Variants in SCIN observed in about 807,000 individuals in gnomAD.
SCIN encodes scinderin, also known as adseverin.
In SCIN, 91 loss-of-function variants were observed where a neutral mutation model predicts 91.8. The ratio of observed to expected loss-of-function variants is 0.99; its 90% CI spans 0.84 to 1.18. SCIN has a LOEUF of 1.18. Ranked by LOEUF, SCIN falls within the 50% of genes most tolerant of loss-of-function variation. SCIN has a pLI of 0.00. For missense variants in SCIN, 1,087 were observed against 863.9 expected (o/e 1.26, Z -3.24); for synonymous variants, 367 against 312.6 (o/e 1.17, Z -1.84).
chr7:12,643,750 A>T (rs994163404), intron 11 of SCIN, among the ~76,000 whole-genome samples: 1 of 152,154 alleles, frequency 6.6e-6, no homozygotes, highest in African/African-American at 2.4e-5. Context: ...CCTCAAGATC[A>T]CTTTACGCTC....
chr7:12,577,106 T>C (rs1339738968), intron 1 of SCIN, among the ~76,000 whole-genome samples: 1 of 152,178 alleles, frequency 6.6e-6, no homozygotes, highest in African/African-American at 2.4e-5. Flanking sequence ...GAAAATTAAA[T>C]GTATGTTGTA....
chr7:12,573,381 G>C (rs1583268915), intron 1 of SCIN, among the ~76,000 whole-genome samples: 3 of 152,248 alleles, frequency 2.0e-5, no homozygotes, highest in East Asian at 3.9e-4. Context: ...GAGGCAAAAA[G>C]GGGAAACAGG....
At chr7:12,572,473 G>A (rs947420232) in intron 1 of SCIN, among the ~76,000 whole-genome samples, 1 of 152,246 alleles carries the variant, frequency 6.6e-6, no homozygotes, top group Admixed American at 6.5e-5. Flanking sequence ...TAGCATGAAT[G>A]AAAGTGTTTG....
In SCIN at chr7:12,643,791, C is replaced by T. The variant is rs375042231; in HGVS notation, c.1582-347C>T. 4.6e-5 allele frequency among the ~76,000 whole-genome samples: 7 copies of T among 152,304 alleles called. No individual in the cohort carries two copies. In the South Asian group the frequency reaches 1.5e-3, roughly 32 times the overall value. ...TTCCTCCTCCGTCTCAGCTGCTCCC[C>T]CTCAGTCTTGCTTACTGGTTCTTCT... On this transcript the variant is annotated intron_variant, in intron 11 of 15. Transcript: ENST00000297029.
chr7:12,622,829 A>T lies in SCIN; in HGVS notation c.695A>T (p.Asp232Val), dbSNP rs754433636. The change falls in exon 5 of 16, where the codon GAT becomes GTT. Residue 232 changes from aspartate to valine, a missense_variant. Asp to Val is a radical substitution (Grantham distance 152). Transcript: ENST00000297029. Reference protein sequence around the residue: ...KVLGEKPELPDGGDDDDIIAD... With the variant: ...KVLGEKPELPVGGDDDDIIAD... ...TTAGGGGAAAAGCCAGAGCTTCCAGATGGAGGTGATGATGATGACATTATA... is the reference window on the plus strand; with the variant it reads ...TTAGGGGAAAAGCCAGAGCTTCCAGTTGGAGGTGATGATGATGACATTATA... 3.1e-6 allele frequency: 5 copies of T among 1,613,158 alleles called. No individual in the cohort carries two copies. The highest frequency in any genetic ancestry group is 4.2e-6 in the Non-Finnish European group (5 of 1,179,368).
In SCIN at chr7:12,644,568, A is replaced by G; in HGVS notation, c.1760-16A>G. On this transcript the variant is annotated splice_polypyrimidine_tract_variant and intron_variant, in intron 12 of 15. Coordinates refer to ENST00000297029, the MANE Select transcript of SCIN (RefSeq NM_001112706.3). ...TCCCTGAAAATGCACTGGATAACTG[A>G]GTGTGTTTTCCACAGAGGAGTTCTG... 6.2e-7 allele frequency: 1 copy of G among 1,612,538 alleles called. No individual in the cohort carries two copies. Among genetic ancestry groups the G allele is most frequent in the Non-Finnish European group, 8.5e-7 (1 of 1,179,344 alleles).
rs28369455 is a variant in SCIN, at chr7:12,609,917, A to G, written c.666+5254A>G. ...AGAATAACATATTATGTCTCCATTA[A>G]TAACTGTTTATCAAGTGCAGGGTTG... is the stretch of plus-strand genomic sequence containing the variant. On this transcript the variant is annotated intron_variant, in intron 4 of 15. Transcript: ENST00000297029. Among the ~76,000 whole-genome samples the G allele has an allele frequency of 7.3e-3, 1,114 of 152,324 alleles. 17 individuals carry two copies. The highest frequency in any genetic ancestry group is 0.025 in the African/African-American group (1,020 of 41,570).
Position 12,657,776 on chromosome 7 carries a change from G to C in SCIN, c.*5061G>C, listed in dbSNP as rs1784197339. ...TTTGACAACATCAGTCCCTTATTAA[G>C]ATGTTATTTCTAGTTTATAATTGAC... is the stretch of plus-strand genomic sequence containing the variant. On this transcript the variant is annotated 3_prime_UTR_variant, in exon 16 of 16. Coordinates refer to ENST00000297029, the MANE Select transcript of SCIN (RefSeq NM_001112706.3). The C allele has an allele frequency of 6.6e-6, 1 of 150,790 alleles. No homozygotes were observed. The highest frequency in any genetic ancestry group is 1.5e-5 in the Non-Finnish European group (1 of 67,710). The allele number at this position is 150,790 out of a possible 1,614,324, so 9.3% of individuals were successfully genotyped here. A position where few individuals can be genotyped will look rare whatever the true frequency, so the allele number is the denominator to read the frequency against.
chr7:12,626,796 G>A lies in SCIN; in HGVS notation c.1194G>A (p.Val398=). The change falls in exon 8 of 16, where the codon GTG becomes GTA. Residue 398 remains valine, a synonymous_variant. Coordinates refer to ENST00000297029, the MANE Select transcript of SCIN (RefSeq NM_001112706.3). ...TGGTGGATGATGGTTCTGGCAAAGT[G>A]GAGGTATTTACCTGTTTTTGTTTTT... ...HNMVDDGSGK[V]EIWRVENNGR... The A allele has an allele frequency of 6.2e-6, 10 of 1,604,664 alleles. No individual in the cohort carries two copies. The highest frequency in any genetic ancestry group is 8.5e-6 in the Non-Finnish European group (10 of 1,175,388).
chr7:12,630,520 C>T (rs1390220103), intron 9 of SCIN, among the ~76,000 whole-genome samples: 7 of 152,202 alleles, frequency 4.6e-5, no homozygotes, highest in African/African-American at 1.7e-4. Context: ...CTAATCTATA[C>T]CACCACATCG....
intron 3 of SCIN, among the ~76,000 whole-genome samples, chr7:12,592,581 C>A (rs755135187): frequency 6.6e-6 from 1 of 151,274 alleles, no homozygotes; most frequent in African/African-American, 2.4e-5. Context: ...GCCGGACTAG[C>A]GGAGAGGAGC....
intron 4 of SCIN, among the ~76,000 whole-genome samples, chr7:12,606,889 T>C (rs1783090627): frequency 6.6e-6 from 1 of 152,234 alleles, no homozygotes; most frequent in East Asian, 1.9e-4. Context: ...CTTTGAAAAG[T>C]ATTCAAAACA....
intron 3 of SCIN, chr7:12,595,399 C>G (rs906950567): frequency 6.9e-6 from 1 of 144,904 alleles, no homozygotes; most frequent in Admixed American, 7.4e-5. Context: ...AGTCTGGTGA[C>G]CTTGCTGTAG....
Position 12,626,792 on chromosome 7 carries a change from A to G in SCIN, c.1190A>G (p.Lys397Arg). The change falls in exon 8 of 16, where the codon AAA (lysine) becomes AGA (arginine). Residue 397 changes from lysine (K) to arginine (R), a missense_variant. Transcript: ENST00000297029. ...AATATGGTGGATGATGGTTCTGGCA[A>G]AGTGGAGGTATTTACCTGTTTTTGT... ...QHNMVDDGSGKVEIWRVENNG... is the reference protein window; with the variant it reads ...QHNMVDDGSGRVEIWRVENNG... 1 of 1,606,074 alleles carries G rather than the reference A, an allele frequency of 6.2e-7. No individual in the cohort carries two copies. Among genetic ancestry groups the G allele is most frequent in the Non-Finnish European group, 8.5e-7 (1 of 1,176,096 alleles).
Position 12,652,948 on chromosome 7 carries a change from C to A in SCIN, c.*233C>A. ...CGAAACCTCGCCTCTACTAAAAATA[C>A]AAAAAAATTAGCTGCGCGTGGTGGT... On this transcript the variant is annotated 3_prime_UTR_variant, in exon 16 of 16. Transcript: ENST00000297029. The A allele has an allele frequency of 2.5e-6, 1 of 400,750 alleles. No individual in the cohort carries two copies. Among genetic ancestry groups the A allele is most frequent in the Non-Finnish European group, 4.4e-6 (1 of 225,970 alleles). 24.8% of individuals were successfully genotyped at this position (400,750 alleles called of 1,614,324 possible). A position where few individuals can be genotyped will look rare whatever the true frequency, so the allele number is the denominator to read the frequency against.
intron 3 of SCIN, among the ~76,000 whole-genome samples, chr7:12,593,302 A>G (rs1050499452): frequency 1.3e-5 from 2 of 152,034 alleles, no homozygotes; most frequent in Non-Finnish European, 2.9e-5. Context: ...GCTTTATCTA[A>G]TTTATTTTGC....
rs530886715 is a variant in SCIN at position 12,646,434 on chromosome 7, G to T, written c.1881+1729G>T. On this transcript the variant is annotated intron_variant, in intron 13 of 15. Coordinates refer to ENST00000297029, the MANE Select transcript of SCIN (RefSeq NM_001112706.3). ...TAAGCAGGGGCACTGTACCCTCATG[G>T]CCTCATCTGAACCTAATTACCTCCC... 1.7e-4 allele frequency among the ~76,000 whole-genome samples: 26 copies of T among 152,238 alleles called. No individual in the cohort carries two copies. The East Asian group carries it at 4.5e-3, about 26-fold the overall frequency.
chr7:12,579,177 A>G (rs1481926441), intron 2 of SCIN, among the ~76,000 whole-genome samples: 1 of 152,076 alleles, frequency 6.6e-6, no homozygotes, highest in East Asian at 1.9e-4. Context: ...TCCGCCTACT[A>G]AGATGGCGAG....
chr7:12,600,559 G>C (rs1276900603), intron 3 of SCIN, among the ~76,000 whole-genome samples: 1 of 152,158 alleles, frequency 6.6e-6, no homozygotes. Context: ...GATTTATAGG[G>C]TCAATGTTTT....
Sources: gnomAD v4.1 joint callset for allele counts (sites outside exome capture counted in the v4.1 genomes callset) on GRCh38, gnomAD v4.1.1 for gene constraint, MANE v1.5 for transcripts, NCBI Gene and HGNC (gene_info 2026-07-23, HGNC 2026-07-21) for gene names.